THRB: variants seen among roughly 807,000 people sequenced by gnomAD.
THRB encodes the protein nuclear receptor subfamily 1 group A member 2.
In THRB, 12 loss-of-function variants were observed where a neutral mutation model predicts 47.8. The ratio of observed to expected loss-of-function variants is 0.25; its 90% CI spans 0.16 to 0.41. The LOEUF is 0.41. Among genes scored for constraint, THRB ranks in the 10% least tolerant of loss-of-function variants. The pLI is 1.00. For missense variants in THRB, 348 were observed against 589.2 expected (o/e 0.59, Z 4.24); for synonymous variants, 218 against 212.2 (o/e 1.03, Z -0.24).
chr3:24,289,967 A>T (rs1478226874), intron 3 of THRB, among the ~76,000 whole-genome samples: 2 of 152,116 alleles, frequency 1.3e-5, no homozygotes, highest in African/African-American at 4.8e-5. Flanking sequence ...CTTACTTTTA[A>T]AGTCAATGCC....
intron 1 of THRB, among the ~76,000 whole-genome samples, chr3:24,445,776 A>G (rs1315977220): frequency 6.6e-6 from 1 of 152,162 alleles, no homozygotes; most frequent in African/African-American, 2.4e-5. Context: ...AACAATTAAG[A>G]AGGTGAAAAA....
chr3:24,323,224 T>C (rs971204055), intron 2 of THRB, among the ~76,000 whole-genome samples: 57 of 151,646 alleles, frequency 3.8e-4, no homozygotes, highest in African/African-American at 1.4e-3. Flanking sequence ...CGCACGGTTT[T>C]TGGTTTTTTT....
Position 24,127,740 on chromosome 3 carries a change from C to T in THRB, c.903G>A (p.Gln301=), listed in dbSNP as rs1254057286. The change falls in exon 10 of 11, where the codon CAG becomes CAA. Residue 301 remains glutamine (Q), a synonymous_variant. Transcript: ENST00000646209. ...TGCAGCAGCCTTTGAGGAGGATGAT[C>T]TGGTCTTCACATGGCAGCTGAAAAG... The part of the protein sequence containing the change: ...PMFCELPCED[Q]IILLKGCCME... The T allele has an allele frequency of 1.2e-6, 2 of 1,614,208 alleles. No homozygotes were observed. Among genetic ancestry groups the T allele is most frequent in the Non-Finnish European group, 1.7e-6 (2 of 1,180,040 alleles).
intron 1 of THRB, among the ~76,000 whole-genome samples, chr3:24,355,226 T>A (rs2063600654): frequency 6.6e-6 from 1 of 152,068 alleles, no homozygotes; most frequent in South Asian, 2.1e-4. Context: ...CCTGAACATA[T>A]CTTTGAGGAA....
At chr3:24,214,061 G>A (rs918258910) in intron 4 of THRB, among the ~76,000 whole-genome samples, 2 of 152,160 alleles carry the variant, frequency 1.3e-5, no homozygotes, top group Non-Finnish European at 2.9e-5. Context: ...ACTGACATAA[G>A]TAATGATCAT....
intron 3 of THRB, among the ~76,000 whole-genome samples, chr3:24,266,978 A>G (rs1054935276): frequency 6.6e-6 from 1 of 152,214 alleles, no homozygotes; most frequent in Non-Finnish European, 1.5e-5. Flanking sequence ...GAATAGCTCC[A>G]TCTATAAAGA....
intron 3 of THRB, among the ~76,000 whole-genome samples, chr3:24,272,197 T>C (rs1052994614): frequency 2.0e-5 from 3 of 152,156 alleles, no homozygotes; most frequent in South Asian, 4.2e-4. Flanking sequence ...ATTTTAAAAA[T>C]TAGCCAGATG....
chr3:24,295,804 G>T (rs534995874), intron 3 of THRB, among the ~76,000 whole-genome samples: 5 of 152,266 alleles, frequency 3.3e-5, no homozygotes, highest in East Asian at 1.9e-4. Flanking sequence ...CAGCTGTCAG[G>T]TTCCCTATCT....
chr3:24,172,457 A>G (rs956795205), intron 5 of THRB, among the ~76,000 whole-genome samples: 5 of 152,068 alleles, frequency 3.3e-5, no homozygotes, highest in African/African-American at 1.2e-4. Flanking sequence ...TTTAAAACAT[A>G]TTGTTAACTG....
chr3:24,173,885 C>T lies in THRB; in HGVS notation c.283+16189G>A, dbSNP rs1371245964. Among the ~76,000 whole-genome samples the T allele has an allele frequency of 3.3e-5, 5 of 152,146 alleles. 1 individual carries two copies. The highest frequency in any genetic ancestry group is 3.3e-4 in the Admixed American group (5 of 15,274). On this transcript the variant is annotated intron_variant, in intron 5 of 10. Coordinates refer to ENST00000646209, the MANE Select transcript of THRB (RefSeq NM_001354712.2). ...CCTGCATTCCAGCCACCTACCAAAC[C>T]CCTTTCTGTGGATGCCAAGGTACCT... is the stretch of plus-strand genomic sequence containing the variant.
rs868191994 is a variant in THRB, at chr3:24,282,920, A to C, written c.-43+14306T>G. On this transcript the variant is annotated intron_variant, in intron 3 of 10. Coordinates refer to ENST00000646209, the MANE Select transcript of THRB (RefSeq NM_001354712.2). ...AATCTCTGAATAGACCAATAACAGG[A>C]TCTGAAATTGTGGCAATAATCAATA... 8.1e-4 allele frequency among the ~76,000 whole-genome samples: 123 copies of C among 151,710 alleles called. 1 individual carries two copies. In the Middle Eastern group the frequency reaches 0.027, roughly 34 times the overall value.
rs138323635 is a variant in THRB, at chr3:24,417,024, A to C, written c.-261+77628T>G. 1.8e-3 allele frequency among the ~76,000 whole-genome samples: 274 copies of C among 151,998 alleles called. 1 individual carries two copies. The highest frequency in any genetic ancestry group is 6.3e-3 in the African/African-American group (260 of 41,502). ...AAAGAAAAGTAGCTTTTACAGGCTCAAAAGGCAGCTTTTAAATATATATTT... is the reference window on the plus strand; with the variant it reads ...AAAGAAAAGTAGCTTTTACAGGCTCCAAAGGCAGCTTTTAAATATATATTT... On this transcript the variant is annotated intron_variant, in intron 1 of 10. Transcript: ENST00000646209.
At chr3:24,304,042 C>CAT (rs954809290) in intron 2 of THRB, among the ~76,000 whole-genome samples, 2 of 102,476 alleles carry the variant, frequency 2.0e-5, no homozygotes, top group African/African-American at 6.3e-5. Flanking sequence ...GAAATTAGCT[C>CAT]ATATTTTTTT....
intron 1 of THRB, among the ~76,000 whole-genome samples, chr3:24,423,445 C>A (rs538914712): frequency 2.0e-5 from 3 of 151,564 alleles, no homozygotes; most frequent in Non-Finnish European, 4.4e-5. Context: ...AAGTGGAAAG[C>A]ACAACTATTA....
At chr3:24,452,663 G>T (rs1387085552) in intron 1 of THRB, among the ~76,000 whole-genome samples, 2 of 151,968 alleles carry the variant, frequency 1.3e-5, no homozygotes, top group Non-Finnish European at 2.9e-5. Flanking sequence ...GCAGAAACGT[G>T]GGGGCTGTCC....
chr3:24,338,327 ACTATTTTTCCT>A, intron 1 of THRB, among the ~76,000 whole-genome samples: 1 of 152,212 alleles, frequency 6.6e-6, no homozygotes, highest in Non-Finnish European at 1.5e-5. Flanking sequence ...TTTCAAGACC[ACTATTTTTCCT>A]TTTTAACATT....
intron 9 of THRB, among the ~76,000 whole-genome samples, chr3:24,129,265 C>A (rs968488144): frequency 5.3e-5 from 8 of 152,170 alleles, no homozygotes; most frequent in Non-Finnish European, 5.9e-5. Flanking sequence ...AGATTGCTGA[C>A]CCCAACCTCT....
intron 1 of THRB, among the ~76,000 whole-genome samples, chr3:24,382,567 T>A (rs960052152): frequency 3.9e-5 from 6 of 152,008 alleles, no homozygotes; most frequent in African/African-American, 7.2e-5. Context: ...AAAAAAGGCA[T>A]TATTGAAAGG....
Position 24,325,632 on chromosome 3 carries a change from A to T in THRB, c.-189+11668T>A, listed in dbSNP as rs2058754411. ...AACCCAGGAGGCAGAGGTTGCAGTG[A>T]ATTGAGATTATGCCACTGCACTCCA... On this transcript the variant is annotated intron_variant, in intron 2 of 10. Transcript: ENST00000646209. Among the ~76,000 whole-genome samples the T allele has an allele frequency of 3.9e-5, 6 of 152,238 alleles. No homozygotes were observed. The South Asian group carries it at 1.2e-3, about 32-fold the overall frequency.
Sources: gnomAD v4.1 joint callset for allele counts (sites outside exome capture counted in the v4.1 genomes callset) on GRCh38, gnomAD v4.1.1 for gene constraint, MANE v1.5 for transcripts, NCBI Gene and HGNC (gene_info 2026-07-23, HGNC 2026-07-21) for gene names.